Variants in MSR1 observed in about 807,000 individuals in gnomAD.
MSR1 encodes the protein macrophage scavenger receptor 1.
MSR1 carries 53 observed loss-of-function variants against 47.2 expected under a neutral mutation model. That is an observed-to-expected ratio of 1.12 (90% CI 0.90 to 1.41). The LOEUF (loss-of-function observed/expected upper bound fraction) is 1.41. Among genes scored for constraint, MSR1 ranks in the 40% most tolerant of loss-of-function variants. The probability of loss-of-function intolerance (pLI) is 0.00; values close to 1 mark genes in which losing one functional copy is unlikely to be tolerated. For missense variants in MSR1, 786 were observed against 546.9 expected (o/e 1.44, Z -4.36); for synonymous variants, 239 against 185.6 (o/e 1.29, Z -2.34).
intron 5 of MSR1, among the ~76,000 whole-genome samples, chr8:16,161,037 T>G (rs1478700088): frequency 7.2e-6 from 1 of 139,310 alleles, no homozygotes; most frequent in Non-Finnish European, 1.5e-5. Flanking sequence ...AATAGCATTT[T>G]TTTTTTTTTT....
intron 1 of MSR1, among the ~76,000 whole-genome samples, chr8:16,182,949 G>C (rs1003916146): frequency 1.1e-4 from 16 of 152,104 alleles, no homozygotes; most frequent in Non-Finnish European, 1.9e-4. Flanking sequence ...GACTGGCAGA[G>C]CAGTAGGCTT....
chr8:16,144,758 T>C (rs1368375091), intron 7 of MSR1, among the ~76,000 whole-genome samples: 2 of 152,280 alleles, frequency 1.3e-5, no homozygotes, highest in East Asian at 3.9e-4. Flanking sequence ...GATCTAGTTC[T>C]TCTTATTCCT....
intron 8 of MSR1, among the ~76,000 whole-genome samples, chr8:16,123,831 GTAT>G (rs1800066112): frequency 6.6e-6 from 1 of 152,068 alleles, no homozygotes; most frequent in South Asian, 2.1e-4. Flanking sequence ...TTATAGTTAG[GTAT>G]CTGCAATAGC....
chr8:16,172,151 C>T (rs968815034), intron 3 of MSR1, among the ~76,000 whole-genome samples: 1 of 152,150 alleles, frequency 6.6e-6, no homozygotes, highest in Non-Finnish European at 1.5e-5. Context: ...TTTTACTATG[C>T]ACATTGCTCT....
At chr8:16,151,929 T>C (rs1196748329) in intron 6 of MSR1, among the ~76,000 whole-genome samples, 1 of 152,152 alleles carries the variant, frequency 6.6e-6, no homozygotes, top group Non-Finnish European at 1.5e-5. Flanking sequence ...CATTTAACTT[T>C]ACTGTGCATT....
At chr8:16,124,016 T>C (rs17620608) in intron 8 of MSR1, among the ~76,000 whole-genome samples, 6,163 of 152,246 alleles carry the variant, frequency 0.04, 221 homozygotes, top group East Asian at 0.12. Flanking sequence ...GTTTCTTTCT[T>C]GATGACAGTT....
chr8:16,156,904 A>G (rs985264884), intron 5 of MSR1, among the ~76,000 whole-genome samples: 2 of 151,986 alleles, frequency 1.3e-5, no homozygotes, highest in Non-Finnish European at 2.9e-5. Flanking sequence ...GTACTTCCCA[A>G]GAAAATGGAG....
intron 3 of MSR1, among the ~76,000 whole-genome samples, chr8:16,172,271 C>T (rs769801653): frequency 1.3e-5 from 2 of 152,112 alleles, no homozygotes; most frequent in Non-Finnish European, 2.9e-5. Flanking sequence ...TGACTAAGGT[C>T]ATATGACCAA....
chr8:16,131,139 C>A (rs1425513821), intron 8 of MSR1, among the ~76,000 whole-genome samples: 1 of 152,134 alleles, frequency 6.6e-6, no homozygotes, highest in African/African-American at 2.4e-5. Flanking sequence ...CTCGTCACCA[C>A]AGCATCTGTA....
intron 3 of MSR1, among the ~76,000 whole-genome samples, chr8:16,173,199 A>C (rs1801538960): frequency 6.6e-6 from 1 of 152,202 alleles, no homozygotes; most frequent in African/African-American, 2.4e-5. Flanking sequence ...AAACTCCAGA[A>C]TAAATGTGTT....
intron 9 of MSR1, among the ~76,000 whole-genome samples, chr8:16,118,287 A>G (rs1799923013): frequency 1.3e-5 from 2 of 152,202 alleles, no homozygotes; most frequent in African/African-American, 4.8e-5. Flanking sequence ...GAGCATGGAT[A>G]AGACTCGTTA....
intron 1 of MSR1, 100 bp from the exon 2 acceptor site, chr8:16,178,092 A>T: frequency 2.2e-6 from 2 of 891,484 alleles, no homozygotes; most frequent in Non-Finnish European, 1.7e-6. Flanking sequence ...AATGGAATCT[A>T]TTCAGTTTTT....
chr8:16,115,051 T>C (rs1367036490), intron 9 of MSR1, among the ~76,000 whole-genome samples: 2 of 152,010 alleles, frequency 1.3e-5, no homozygotes, highest in Non-Finnish European at 2.9e-5. Context: ...TGGTGGTGCA[T>C]GCCTGTAATC....
intron 1 of MSR1, among the ~76,000 whole-genome samples, chr8:16,179,632 C>T (rs1035610328): frequency 1.9e-4 from 29 of 152,122 alleles, no homozygotes; most frequent in African/African-American, 7.0e-4. Context: ...GTAATCCCAG[C>T]ACTTTGGGAG....
At chr8:16,186,394 C>G (rs1802000767) in intron 1 of MSR1, 4 of 550,944 alleles carry the variant, frequency 7.3e-6, no homozygotes, top group Non-Finnish European at 1.3e-5. Flanking sequence ...TTATCTCTTG[C>G]CCATAGCTCG....
intron 1 of MSR1, among the ~76,000 whole-genome samples, chr8:16,191,133 T>C (rs975552926): frequency 2.0e-5 from 3 of 152,226 alleles, no homozygotes; most frequent in African/African-American, 7.2e-5. Flanking sequence ...CAGTTGAATG[T>C]GTATATAAAA....
At chr8:16,153,144 G>C (rs1477312837) in intron 6 of MSR1, among the ~76,000 whole-genome samples, 1 of 152,024 alleles carries the variant, frequency 6.6e-6, no homozygotes, top group Non-Finnish European at 1.5e-5. Context: ...GTTTGACTTG[G>C]TCAAGCTGAG....
chr8:16,142,208 A>G (rs1427453393), intron 8 of MSR1, among the ~76,000 whole-genome samples: 2 of 152,050 alleles, frequency 1.3e-5, no homozygotes, highest in Non-Finnish European at 2.9e-5. Context: ...TGTGCCTGTA[A>G]TCCCAGCTAC....
intron 8 of MSR1, chr8:16,139,690 T>C (rs1800478465): frequency 1.0e-6 from 1 of 973,350 alleles, no homozygotes; most frequent in Non-Finnish European, 1.2e-6. Flanking sequence ...TGAAAAGTTT[T>C]ATTTTTGGTT....
Sources: allele counts gnomAD v4.1 joint callset (sites outside exome capture counted in the v4.1 genomes callset), GRCh38; gene constraint gnomAD v4.1.1; transcripts MANE v1.5; gene names NCBI Gene and HGNC (gene_info 2026-07-23, HGNC 2026-07-21).